The following ZNF562 variants were observed in gnomAD, a reference collection of about 807,000 sequenced individuals.
ZNF562 encodes zinc finger protein 562.
In ZNF562, 13 loss-of-function variants were observed where a neutral mutation model predicts 17.5. The ratio of observed to expected loss-of-function variants is 0.74; its 90% CI spans 0.48 to 1.18. The LOEUF (loss-of-function observed/expected upper bound fraction) is 1.18. Ranked by LOEUF, ZNF562 falls within the 50% of genes most tolerant of loss-of-function variation. The pLI, the probability that ZNF562 is intolerant of heterozygous loss-of-function variation, is 0.00. For missense variants in ZNF562, 481 were observed against 498.5 expected (o/e 0.96, Z 0.33); for synonymous variants, 163 against 165.4 (o/e 0.99, Z 0.11).
chr19:9,667,624 C>T (rs1452253904), intron 1 of ZNF562, among the ~76,000 whole-genome samples: 1 of 152,086 alleles, frequency 6.6e-6, no homozygotes, highest in African/African-American at 2.4e-5. Context: ...ACAGGGTCTC[C>T]CTCTGTTGCT....
Position 9,652,125 on chromosome 19 carries a change from A to G in ZNF562, c.*824T>C, listed in dbSNP as rs2074875621. On this transcript the variant is annotated 3_prime_UTR_variant, in exon 6 of 6. Transcript: ENST00000453372. ...ATGAGTGGGATTCATGGACTATATC[A>G]GCCATCTTAACAGAAGTGAGAAGAG... 1 of 152,262 alleles carries G rather than the reference A, an allele frequency of 6.6e-6. No homozygotes were observed. Among genetic ancestry groups the G allele is most frequent in the Non-Finnish European group, 1.5e-5 (1 of 68,050 alleles). The allele number at this position is 152,262 out of a possible 1,614,324, so 9.4% of individuals were successfully genotyped here. A position where few individuals can be genotyped will look rare whatever the true frequency, so the allele number is the denominator to read the frequency against.
At chr19:9,656,871 A>AAAATATATATATATATATATAT (rs376933513) in intron 4 of ZNF562, among the ~76,000 whole-genome samples, 13 of 142,440 alleles carry the variant, frequency 9.1e-5, no homozygotes, top group African/African-American at 3.1e-4. Context: ...AAAATACAAA[A>AAAATATATATATATATATATAT]ATATATATAT....
At chr19:9,653,962 G>T in intron 5 of ZNF562, 81 bp from the exon 6 acceptor site, 9 of 1,356,322 alleles carry the variant, frequency 6.6e-6, no homozygotes, top group Middle Eastern at 2.0e-4. Flanking sequence ...ACATTATTTT[G>T]ATGACAATTA....
rs1336305985 is a variant in ZNF562 at position 9,650,063 on chromosome 19, AC to A, written c.*2885del. The A allele has an allele frequency of 6.6e-6, 1 of 152,088 alleles. No homozygotes were observed. Among genetic ancestry groups the A allele is most frequent in the African/African-American group, 2.4e-5 (1 of 41,406 alleles). The allele number at this position is 152,088 out of a possible 1,614,324, so 9.4% of individuals were successfully genotyped here. On this transcript the variant is annotated 3_prime_UTR_variant, in exon 6 of 6. Coordinates refer to ENST00000453372, the MANE Select transcript of ZNF562 (RefSeq NM_001130031.2). ...GGGGCTGGTTCCCTGACAGGACATA[AC>A]CTCTTCAAAAAATAAAAAAGAAATA...
At chr19:9,656,871 A>AAAAAAAAAATATATATAT (rs376933513) in intron 4 of ZNF562, among the ~76,000 whole-genome samples, 2 of 142,436 alleles carry the variant, frequency 1.4e-5, no homozygotes, top group African/African-American at 5.2e-5. Context: ...AAAATACAAA[A>AAAAAAAAAATATATATAT]ATATATATAT....
chr19:9,658,151 C>T lies in ZNF562; in HGVS notation c.115-16G>A, dbSNP rs750670691. On this transcript the variant is annotated splice_polypyrimidine_tract_variant and intron_variant, in intron 3 of 5. Transcript: ENST00000453372. ...TCACTGAATCCTAAGTCATCAAACACATGCTGGTTTGAGCCAATGAACACT... is the reference window on the plus strand; with the variant it reads ...TCACTGAATCCTAAGTCATCAAACATATGCTGGTTTGAGCCAATGAACACT... 1 of 1,609,122 alleles carries T rather than the reference C, an allele frequency of 6.2e-7. No homozygotes were observed. Among genetic ancestry groups the T allele is most frequent in the Non-Finnish European group, 8.5e-7 (1 of 1,177,538 alleles).
intron 1 of ZNF562, among the ~76,000 whole-genome samples, chr19:9,674,179 G>A (rs1284879037): frequency 6.6e-6 from 1 of 152,092 alleles, no homozygotes; most frequent in East Asian, 1.9e-4. Flanking sequence ...GAGTGACAGG[G>A]TGAGTGGTTT....
chr19:9,665,354 T>C (rs951720624), intron 1 of ZNF562, among the ~76,000 whole-genome samples: 1 of 152,110 alleles, frequency 6.6e-6, no homozygotes, highest in Non-Finnish European at 1.5e-5. Context: ...GGAAAATTTC[T>C]ACCAATTCAG....
Position 9,660,848 on chromosome 19 carries a change from C to T in ZNF562, c.-104G>A, listed in dbSNP as rs2043708262. On this transcript the variant is annotated 5_prime_UTR_variant, in exon 2 of 6. Transcript: ENST00000453372. ...TAGGTGGATACAGGCAATCTCCATT[C>T]CCCTTTGTACAGGGTTATCTGAGGC... is the stretch of plus-strand genomic sequence containing the variant. The T allele has an allele frequency of 2.5e-6, 3 of 1,189,996 alleles. No individual in the cohort carries two copies. Among genetic ancestry groups the T allele is most frequent in the African/African-American group, 1.5e-5 (1 of 65,988 alleles). The allele number at this position is 1,189,996 out of a possible 1,614,324, so 73.7% of individuals were successfully genotyped here.
intron 1 of ZNF562, among the ~76,000 whole-genome samples, chr19:9,664,768 G>C (rs183904130): frequency 1.3e-5 from 2 of 152,170 alleles, no homozygotes; most frequent in African/African-American, 4.8e-5. Context: ...GCTCATGCCT[G>C]TAATCCCAGC....
intron 1 of ZNF562, among the ~76,000 whole-genome samples, chr19:9,663,172 G>A (rs890067796): frequency 4.6e-5 from 7 of 150,564 alleles, no homozygotes; most frequent in Non-Finnish European, 8.9e-5. Context: ...TTGGGAGGCC[G>A]AGGCGGGTGG....
chr19:9,664,093 A>C (rs890265770), intron 1 of ZNF562, among the ~76,000 whole-genome samples: 1 of 151,740 alleles, frequency 6.6e-6, no homozygotes, highest in Non-Finnish European at 1.5e-5. Context: ...TTTAAGACAG[A>C]GTTTCACTCT....
At chr19:9,655,048 T>A (rs1383896431) in intron 5 of ZNF562, among the ~76,000 whole-genome samples, 1 of 152,166 alleles carries the variant, frequency 6.6e-6, no homozygotes, top group African/African-American at 2.4e-5. Flanking sequence ...CTGGGTACCA[T>A]GGCACAATCA....
At chr19:9,657,073 C>T (rs2043523001) in intron 4 of ZNF562, among the ~76,000 whole-genome samples, 1 of 148,276 alleles carries the variant, frequency 6.7e-6, no homozygotes, top group African/African-American at 2.5e-5. Flanking sequence ...ACAAGAGAAC[C>T]TTGAGGATTT....
At chr19:9,656,756 G>A in intron 4 of ZNF562, 103 bp from the exon 5 acceptor site, 1 of 1,168,664 alleles carries the variant, frequency 8.6e-7, no homozygotes, top group Non-Finnish European at 1.2e-6. Flanking sequence ...CAGGCACGGT[G>A]ACTCAGGCCC....
chr19:9,670,810 CA>C (rs1404282062), intron 1 of ZNF562, among the ~76,000 whole-genome samples: 1 of 151,938 alleles, frequency 6.6e-6, no homozygotes, highest in Middle Eastern at 3.2e-3. Flanking sequence ...CCAACCTGTC[CA>C]ATATGGTAAA....
intron 1 of ZNF562, among the ~76,000 whole-genome samples, chr19:9,672,598 T>C (rs945231532): frequency 5.3e-5 from 8 of 152,126 alleles, no homozygotes; most frequent in African/African-American, 1.9e-4. Context: ...ATACTAGATA[T>C]TTTATTACAC....
At chr19:9,653,935 C>T (rs1034732023) in intron 5 of ZNF562, 54 bp from the exon 6 acceptor site, 14 of 1,445,212 alleles carry the variant, frequency 9.7e-6, no homozygotes, top group Admixed American at 2.5e-5. Flanking sequence ...AGAGATTTCA[C>T]CCATCTGAAC....
chr19:9,655,245 TC>T (rs1408260704), intron 5 of ZNF562, among the ~76,000 whole-genome samples: 3 of 152,168 alleles, frequency 2.0e-5, no homozygotes, highest in Admixed American at 6.5e-5. Flanking sequence ...TGCCTCAGCT[TC>T]CCAAAGTGCT....
Sources: gnomAD v4.1 joint callset for allele counts (sites outside exome capture counted in the v4.1 genomes callset) on GRCh38, gnomAD v4.1.1 for gene constraint, MANE v1.5 for transcripts, NCBI Gene and HGNC (gene_info 2026-07-23, HGNC 2026-07-21) for gene names.